The following PCGF5 variants were observed in gnomAD, a reference collection of about 807,000 sequenced individuals.
The protein encoded by PCGF5 is polycomb group RING finger protein 5.
In PCGF5, 9 loss-of-function variants were observed where a neutral mutation model predicts 44.3. That is an observed-to-expected ratio of 0.20 (90% confidence interval 0.12 to 0.35). The LOEUF is 0.35. Ranked by LOEUF, PCGF5 falls within the 10% of genes least tolerant of loss-of-function variation. The pLI, the probability that PCGF5 is intolerant of heterozygous loss-of-function variation, is 1.00. For synonymous variants in PCGF5, 95 were observed against 102.5 expected, an observed-to-expected ratio of 0.93 and a Z score of 0.44; for missense variants, 146 against 305.3, an observed-to-expected ratio of 0.48 and a Z score of 3.89.
Position 91,240,754 on chromosome 10 carries a change from G to A in PCGF5, c.209+174G>A, listed in dbSNP as rs138593128. On this transcript the variant is annotated intron_variant, in intron 3 of 9. Transcript: ENST00000336126. ...TTTTATTAAGGAGTATTAAAAATAA[G>A]GTTTTACATCTTAAATATTTAAGAA... Among the ~76,000 whole-genome samples the A allele has an allele frequency of 8.5e-4, 129 of 151,862 alleles. 1 individual carries two copies. The highest frequency in any genetic ancestry group is 3.0e-3 in the African/African-American group (123 of 41,466).
chr10:91,159,298 T>C (rs562288571), upstream of PCGF5, among the ~76,000 whole-genome samples: 2 of 152,304 alleles, frequency 1.3e-5, no homozygotes, highest in East Asian at 3.9e-4. Flanking sequence ...GCCAGGCACC[T>C]ATAACATGTC....
chr10:91,284,158 T>G lies in PCGF5; in HGVS notation c.*5842T>G, dbSNP rs2133497015. The G allele has an allele frequency of 6.6e-6, 1 of 152,658 alleles. No individual in the cohort carries two copies. Among genetic ancestry groups the G allele is most frequent in the South Asian group, 2.1e-4 (1 of 4,816 alleles). 9.5% of individuals were successfully genotyped at this position (152,658 alleles called of 1,614,324 possible). On this transcript the variant is annotated 3_prime_UTR_variant, in exon 10 of 10. Transcript: ENST00000336126. Reference sequence around the variant, plus strand: ...TGTTCTGTACAAAGCTGTATAATTGTACTGTTGGGCTAGATACTTTTTTTT... The same window carrying G: ...TGTTCTGTACAAAGCTGTATAATTGGACTGTTGGGCTAGATACTTTTTTTT...
chr10:91,228,225 G>A (rs1355199993), intron 2 of PCGF5, among the ~76,000 whole-genome samples: 1 of 152,068 alleles, frequency 6.6e-6, no homozygotes, highest in Admixed American at 6.6e-5. Context: ...GTATCTGCTG[G>A]GTGGTATAGG....
rs79358753 is a variant in PCGF5, at chr10:91,205,455, G to A, written c.-183-17234G>A. Among the ~76,000 whole-genome samples the A allele has an allele frequency of 1.3e-3, 202 of 152,188 alleles. No homozygotes were observed. In the East Asian group the frequency reaches 0.019, roughly 14 times the overall value. On this transcript the variant is annotated intron_variant, in intron 1 of 9. Coordinates refer to the PCGF5 transcript ENST00000614189. ...TTAAGTGACAAGGGTATATTCCAGCGTTCATTCATAAACTGAGCCAAGCTC... is the reference window on the plus strand; with the variant it reads ...TTAAGTGACAAGGGTATATTCCAGCATTCATTCATAAACTGAGCCAAGCTC...
rs556409187 is a variant in PCGF5, at chr10:91,255,520, C to T, written c.474+4080C>T. 6.6e-5 allele frequency among the ~76,000 whole-genome samples: 10 copies of T among 152,166 alleles called. No homozygotes were observed. In the East Asian group the frequency reaches 1.9e-3, roughly 29 times the overall value. On this transcript the variant is annotated intron_variant, in intron 6 of 9. Coordinates refer to ENST00000336126, the MANE Select transcript of PCGF5 (RefSeq NM_032373.5). ...TGAATATTGGTGGTATGCCCCCAAA[C>T]ACATACCCAGATTCTTGGCAAAGAC...
At chr10:91,193,714 G>A (rs1448450807) in intron 1 of PCGF5, among the ~76,000 whole-genome samples, 2 of 152,120 alleles carry the variant, frequency 1.3e-5, no homozygotes, top group African/African-American at 4.8e-5. Context: ...ATAATTTGAT[G>A]TAATTTTTTA....
intron 1 of PCGF5, among the ~76,000 whole-genome samples, chr10:91,221,976 C>T (rs1218655589): frequency 1.3e-5 from 2 of 152,024 alleles, no homozygotes; most frequent in Non-Finnish European, 2.9e-5. Flanking sequence ...AGAGAAAGGG[C>T]GTGTTGGATA....
intron 1 of PCGF5, among the ~76,000 whole-genome samples, chr10:91,206,145 A>G (rs1253615880): frequency 6.6e-6 from 1 of 152,234 alleles, no homozygotes; most frequent in Non-Finnish European, 1.5e-5. Context: ...TATTTATCGG[A>G]GAACTACTAT....
intron 9 of PCGF5, among the ~76,000 whole-genome samples, chr10:91,275,453 T>C (rs962390939): frequency 6.6e-6 from 1 of 151,728 alleles, no homozygotes; most frequent in Non-Finnish European, 1.5e-5. Flanking sequence ...TTATTTTTTT[T>C]TTTTTTGAGA....
In PCGF5 at chr10:91,182,210, G is replaced by A. The variant is rs147096185; in HGVS notation, c.-184+19129G>A. ...TGGAATAGTTCCCGTAGGAATGGTC[G>A]CAGCTCTTCTTTGTACAATTTCAGA... On this transcript the variant is annotated intron_variant, in intron 1 of 9. Transcript: ENST00000614189. Among the ~76,000 whole-genome samples, 12 of 150,658 alleles carry A rather than the reference G, an allele frequency of 8.0e-5. No individual in the cohort carries two copies. In the South Asian group the frequency reaches 1.9e-3, roughly 24 times the overall value.
intron 1 of PCGF5, among the ~76,000 whole-genome samples, chr10:91,221,094 C>G (rs1262361543): frequency 6.6e-6 from 1 of 151,400 alleles, no homozygotes; most frequent in Non-Finnish European, 1.5e-5. Context: ...AGCGCGCCCG[C>G]GGGGCCTGGG....
At chr10:91,171,146 A>G (rs111663415) in intron 1 of PCGF5, among the ~76,000 whole-genome samples, 2 of 152,346 alleles carry the variant, frequency 1.3e-5, no homozygotes, top group South Asian at 2.1e-4. Flanking sequence ...ACTCTGTGAT[A>G]TAACAGTGCA....
At chr10:91,172,625 C>T (rs918369247) in intron 1 of PCGF5, among the ~76,000 whole-genome samples, 10 of 152,212 alleles carry the variant, frequency 6.6e-5, no homozygotes, top group Non-Finnish European at 1.2e-4. Flanking sequence ...TTAAACACTT[C>T]CTCAATGGCA....
At chr10:91,222,637 G>A in intron 1 of PCGF5, 52 bp from the exon 2 acceptor site, 1 of 519,596 alleles carries the variant, frequency 1.9e-6, no homozygotes, top group Non-Finnish European at 3.4e-6. Flanking sequence ...AATACATTAT[G>A]AGGAATTTGA....
chr10:91,196,670 G>A (rs1299577720), intron 1 of PCGF5, among the ~76,000 whole-genome samples: 1 of 152,170 alleles, frequency 6.6e-6, no homozygotes, highest in Non-Finnish European at 1.5e-5. Context: ...GTATTTCAGA[G>A]GGTGACAAAT....
chr10:91,264,335 C>G lies in PCGF5; in HGVS notation c.574-96C>G, dbSNP rs889575027. 8.7e-6 allele frequency: 8 copies of G among 924,596 alleles called. No individual in the cohort carries two copies. The African/African-American group carries it at 1.3e-4, about 16-fold the overall frequency. The allele number at this position is 924,596 out of a possible 1,614,324, so 57.3% of individuals were successfully genotyped here. A position where few individuals can be genotyped will look rare whatever the true frequency, so the allele number is the denominator to read the frequency against. On this transcript the variant is annotated intron_variant, in intron 7 of 9. Transcript: ENST00000336126. ...TAAAATAATGGATAATACTTTTGTT[C>G]CAACTATTTGAATATTTTTTGAAAT...
intron 8 of PCGF5, among the ~76,000 whole-genome samples, chr10:91,270,389 A>G (rs545197488): frequency 6.6e-6 from 1 of 151,892 alleles, no homozygotes; most frequent in Non-Finnish European, 1.5e-5. Flanking sequence ...AGAAAAAAAA[A>G]AAAGAATCAC....
intron 2 of PCGF5, among the ~76,000 whole-genome samples, chr10:91,231,959 A>G (rs1213558881): frequency 6.6e-6 from 1 of 152,204 alleles, no homozygotes; most frequent in Admixed American, 6.5e-5. Flanking sequence ...TCAAATGGAG[A>G]TGTCCATTTG....
chr10:91,157,007 G>A, the PCGF5 span, among the ~76,000 whole-genome samples: 1 of 152,146 alleles, frequency 6.6e-6, no homozygotes, highest in Non-Finnish European at 1.5e-5. Context: ...CCACTTCTTA[G>A]CTAGTTGACC....
Sources: allele counts gnomAD v4.1 joint callset (sites outside exome capture counted in the v4.1 genomes callset), GRCh38; gene constraint gnomAD v4.1.1; transcripts MANE v1.5; gene names NCBI Gene and HGNC (gene_info 2026-07-23, HGNC 2026-07-21).